The following RYR3 variants were observed in gnomAD, a reference collection of about 807,000 sequenced individuals.
RYR3 encodes brain ryanodine receptor-calcium release channel.
A neutral mutation model predicts 584.3 loss-of-function variants in RYR3; 207 were observed. The observed-to-expected ratio is 0.35, with a 90% CI of 0.32 to 0.40. The LOEUF (loss-of-function observed/expected upper bound fraction) is 0.40. RYR3 is among the 10% of genes least tolerant of loss of function. RYR3 has a pLI of 1.00. For missense variants in RYR3, 5,616 were observed against 6,089.2 expected, an observed-to-expected ratio of 0.92 and a Z score of 2.59; for synonymous variants, 2,416 against 2,248.5, an observed-to-expected ratio of 1.07 and a Z score of -2.11.
intron 16 of RYR3, among the ~76,000 whole-genome samples, chr15:33,599,180 A>G (rs2059541242): frequency 1.6e-5 from 2 of 122,750 alleles, no homozygotes; most frequent in South Asian, 5.6e-4. Flanking sequence ...TTTAAGCCAT[A>G]AGTTAGCTCA....
intron 67 of RYR3, among the ~76,000 whole-genome samples, chr15:33,789,983 C>CTTTTTT (rs1567176157): frequency 1.3e-5 from 1 of 79,758 alleles, no homozygotes; most frequent in East Asian, 4.1e-4. Context: ...CACGCCTGGC[C>CTTTTTT]TTCTTTTTTT....
chr15:33,667,883 GA>G (rs1566914498), intron 36 of RYR3, among the ~76,000 whole-genome samples: 2 of 152,008 alleles, frequency 1.3e-5, no homozygotes, highest in Admixed American at 6.6e-5. Context: ...CCAACATGGT[GA>G]AACCCCATCT....
intron 10 of RYR3, among the ~76,000 whole-genome samples, chr15:33,561,486 T>G (rs1251060027): frequency 2.6e-5 from 4 of 152,204 alleles, no homozygotes; most frequent in Non-Finnish European, 5.9e-5. Flanking sequence ...CATTTTCTCC[T>G]CTGTAAAATT....
intron 21 of RYR3, 137 bp from the exon 22 acceptor site, chr15:33,629,803 G>A (rs896957617): frequency 2.9e-5 from 17 of 577,512 alleles, no homozygotes; most frequent in Middle Eastern, 2.6e-4. Context: ...TCTGTTTGCC[G>A]AATAGCAAGT....
At chr15:33,743,190 G>C (rs2070337664) in intron 52 of RYR3, among the ~76,000 whole-genome samples, 1 of 152,144 alleles carries the variant, frequency 6.6e-6, no homozygotes. Context: ...ACAGAGAAGG[G>C]ACACCTTGAA....
chr15:33,414,501 T>G (rs1455730531), intron 1 of RYR3, among the ~76,000 whole-genome samples: 1 of 152,210 alleles, frequency 6.6e-6, no homozygotes, highest in Non-Finnish European at 1.5e-5. Context: ...AAAGACAGCT[T>G]CCTCAACATT....
chr15:33,727,176 G>A (rs12593536), intron 46 of RYR3, among the ~76,000 whole-genome samples: 1 of 152,034 alleles, frequency 6.6e-6, no homozygotes, highest in Non-Finnish European at 1.5e-5. Context: ...GCATGCCTTA[G>A]GGCTGAGGAT....
intron 51 of RYR3, among the ~76,000 whole-genome samples, chr15:33,741,773 C>A (rs893874276): frequency 2.0e-5 from 3 of 152,024 alleles, no homozygotes; most frequent in African/African-American, 4.8e-5. Context: ...GCCACTACGC[C>A]CGGCTAATTT....
chr15:33,322,130 C>T (rs73378430), intron 1 of RYR3, among the ~76,000 whole-genome samples: 10,069 of 152,202 alleles, frequency 0.066, 500 homozygotes, highest in African/African-American at 0.13. Flanking sequence ...ACAACATTGG[C>T]ATCTGATTAC....
chr15:33,503,807 T>G, intron 3 of RYR3, 69 bp downstream of exon 3: 1 of 902,310 alleles, frequency 1.1e-6, no homozygotes, highest in Non-Finnish European at 1.8e-6. Flanking sequence ...GTTCTACATT[T>G]CATCCAACTT....
chr15:33,813,040 G>A (rs770015353), intron 73 of RYR3, 46 bp downstream of exon 73: 1 of 1,610,910 alleles, frequency 6.2e-7, no homozygotes, highest in Admixed American at 1.7e-5. Flanking sequence ...AAACACCCTG[G>A]ACCATACAAA....
At chr15:33,661,708 G>A (rs1052399604) in intron 34 of RYR3, among the ~76,000 whole-genome samples, 1 of 152,076 alleles carries the variant, frequency 6.6e-6, no homozygotes, top group African/African-American at 2.4e-5. Context: ...TGCTGGTCCT[G>A]GTCCATGGCC....
intron 1 of RYR3, among the ~76,000 whole-genome samples, chr15:33,424,673 T>C (rs2044475711): frequency 6.6e-6 from 1 of 152,182 alleles, no homozygotes; most frequent in African/African-American, 2.4e-5. Flanking sequence ...ACCTGGCATA[T>C]ATTGGACTGG....
chr15:33,854,740 A>G, intron 97 of RYR3, 26 bp from the exon 98 acceptor site: 2 of 1,582,850 alleles, frequency 1.3e-6, no homozygotes, highest in Non-Finnish European at 8.6e-7. Context: ...AAACATGCTT[A>G]AAAGTCTGCT....
At position 33,361,995 on chromosome 15, in the gene RYR3, C is replaced by T. The variant is rs532135293; in HGVS notation, c.51+50899C>T. ...CCCAGGAAGGTAACTGACTGGAGGC[C>T]GGCTAAGTTGCCGCATTCCCAAGGC... On this transcript the variant is annotated intron_variant, in intron 1 of 103. Coordinates refer to ENST00000634891, the MANE Select transcript of RYR3 (RefSeq NM_001036.6). Among the ~76,000 whole-genome samples, 18 of 152,296 alleles carry T rather than the reference C, an allele frequency of 1.2e-4. No individual in the cohort carries two copies. The East Asian group carries it at 2.5e-3, about 21-fold the overall frequency.
chr15:33,603,756 G>A (rs1013316897), intron 18 of RYR3, among the ~76,000 whole-genome samples: 4 of 152,154 alleles, frequency 2.6e-5, no homozygotes, highest in African/African-American at 4.8e-5. Context: ...TGTGACAAAC[G>A]TGTAAACAGA....
intron 1 of RYR3, among the ~76,000 whole-genome samples, chr15:33,413,145 G>A (rs2043527302): frequency 1.3e-5 from 2 of 152,192 alleles, no homozygotes; most frequent in South Asian, 4.1e-4. Flanking sequence ...ATGCTTCTAG[G>A]AGAGGCCTTG....
At chr15:33,754,788 T>A (rs2071657367) in intron 57 of RYR3, among the ~76,000 whole-genome samples, 1 of 152,238 alleles carries the variant, frequency 6.6e-6, no homozygotes, top group Non-Finnish European at 1.5e-5. Context: ...AGCTAGCATG[T>A]AAATTCTTTC....
Position 33,473,503 on chromosome 15 carries a change from C to T in RYR3, c.136C>T (p.Arg46Cys), listed in dbSNP as rs770423247. The change falls in exon 2 of 104, where the codon CGC (arginine) becomes TGC (cysteine). Residue 46 changes from arginine (R) to cysteine (C), a missense_variant. By Grantham distance (180) the Arg-to-Cys change is radical. Around this residue, in one of 9 missense-constraint regions of RYR3, gnomAD observed 1,284 missense variants for 1,344.6 expected, o/e 0.95. Coordinates refer to ENST00000634891, the MANE Select transcript of RYR3 (RefSeq NM_001036.6). Reference protein sequence around the residue: ...FCLAAEGLGNRLCFLEPTSEA... With the variant: ...FCLAAEGLGNCLCFLEPTSEA... ...CCTGGCAGCCGAGGGACTTGGGAAT[C>T]GCCTGTGCTTCTTGGAACCCACTTC... 2.2e-5 allele frequency: 36 copies of T among 1,613,866 alleles called. No individual in the cohort carries two copies. Among genetic ancestry groups the T allele is most frequent in the Non-Finnish European group, 2.7e-5 (32 of 1,179,878 alleles).
Sources: allele counts gnomAD v4.1 joint callset (sites outside exome capture counted in the v4.1 genomes callset), GRCh38; gene constraint gnomAD v4.1.1; regional missense constraint gnomAD v4.1.1; transcripts MANE v1.5; gene names NCBI Gene and HGNC (gene_info 2026-07-23, HGNC 2026-07-21).